The following LINGO2 variants were observed in gnomAD, a reference collection of about 807,000 sequenced individuals.
LINGO2 encodes leucine rich repeat and Ig domain containing 2, also known as leucine-rich repeat and immunoglobulin-like domain-containing nogo receptor-interacting protein 2.
A neutral mutation model predicts 30.6 loss-of-function variants in LINGO2; 14 were observed. The observed-to-expected ratio is 0.46, with a 90% CI of 0.30 to 0.72. LINGO2 has a LOEUF of 0.72. Ranked by LOEUF, LINGO2 falls within the 30% of genes least tolerant of loss-of-function variation. LINGO2 has a pLI of 0.07. For missense variants in LINGO2, 729 were observed against 751.7 expected (o/e 0.97, Z 0.35); for synonymous variants, 317 against 288.5 (o/e 1.10, Z -1.00).
chr9:29,173,645 T>C, the LINGO2 span, among the ~76,000 whole-genome samples: 8 of 152,142 alleles, frequency 5.3e-5, no homozygotes, highest in Non-Finnish European at 8.8e-5. Context: ...AGATTAATTC[T>C]ACTAAACTAC....
At chr9:29,178,004 T>A in the LINGO2 span, among the ~76,000 whole-genome samples, 141 of 151,510 alleles carry the variant, frequency 9.3e-4, no homozygotes, top group African/African-American at 3.4e-3. Context: ...ATTCTATCCC[T>A]TCCATTTTTT....
chr9:28,539,948 T>C (rs940308384), intron 1 of LINGO2, among the ~76,000 whole-genome samples: 2 of 152,116 alleles, frequency 1.3e-5, no homozygotes, highest in South Asian at 2.1e-4. Context: ...TAGCTGAATA[T>C]ACTTCAACAG....
chr9:29,174,148 G>A, the LINGO2 span, among the ~76,000 whole-genome samples: 3 of 151,888 alleles, frequency 2.0e-5, no homozygotes, highest in Admixed American at 6.6e-5. Flanking sequence ...AAAGATACTC[G>A]CTTTCCTGGT....
intron 5 of LINGO2, among the ~76,000 whole-genome samples, chr9:27,977,115 T>C (rs953338227): frequency 2.0e-5 from 3 of 151,530 alleles, no homozygotes; most frequent in African/African-American, 7.3e-5. Context: ...CGTAATATTA[T>C]GGAAATAGAC....
chr9:28,254,300 G>C (rs1003584167), intron 4 of LINGO2, among the ~76,000 whole-genome samples: 1 of 152,066 alleles, frequency 6.6e-6, no homozygotes, highest in Non-Finnish European at 1.5e-5. Context: ...TATATTTAAT[G>C]CTATTTCCAC....
chr9:28,055,850 T>A (rs578247652), intron 4 of LINGO2, among the ~76,000 whole-genome samples: 1 of 152,276 alleles, frequency 6.6e-6, no homozygotes, highest in South Asian at 2.1e-4. Context: ...TGTTCACAAC[T>A]TACTTTGGTT....
the LINGO2 span, among the ~76,000 whole-genome samples, chr9:29,185,002 T>A: frequency 2.6e-5 from 4 of 152,208 alleles, no homozygotes; most frequent in Admixed American, 2.6e-4. Flanking sequence ...TTGTTGTTGT[T>A]GTTTTCATAA....
chr9:28,916,612 C>T, the LINGO2 span, among the ~76,000 whole-genome samples: 2 of 152,174 alleles, frequency 1.3e-5, no homozygotes, highest in Admixed American at 1.3e-4. Context: ...TTCCAGTTGT[C>T]TTGCCTTTTA....
At chr9:28,470,749 A>G (rs1015721159) in intron 2 of LINGO2, among the ~76,000 whole-genome samples, 4 of 152,068 alleles carry the variant, frequency 2.6e-5, no homozygotes, top group African/African-American at 9.7e-5. Context: ...ATTATAATGT[A>G]TTAATTAGCT....
intron 4 of LINGO2, among the ~76,000 whole-genome samples, chr9:28,143,007 A>G (rs976630657): frequency 2.6e-5 from 4 of 152,150 alleles, no homozygotes; most frequent in African/African-American, 9.7e-5. Context: ...AATCTGATCA[A>G]TTGCAGATGC....
At chr9:27,993,427 T>A (rs1048140713) in intron 5 of LINGO2, among the ~76,000 whole-genome samples, 3 of 144,698 alleles carry the variant, frequency 2.1e-5, no homozygotes, top group Non-Finnish European at 3.0e-5. Flanking sequence ...AATCCCAACA[T>A]ATTGGGAGGC....
At chr9:28,058,025 AT>A (rs1825014049) in intron 4 of LINGO2, among the ~76,000 whole-genome samples, 1 of 152,144 alleles carries the variant, frequency 6.6e-6, no homozygotes, top group African/African-American at 2.4e-5. Flanking sequence ...CCATGATTTG[AT>A]AATTTTTATA....
chr9:28,806,548 T>C, the LINGO2 span, among the ~76,000 whole-genome samples: 1 of 152,154 alleles, frequency 6.6e-6, no homozygotes, highest in Non-Finnish European at 1.5e-5. Context: ...GCTCCTATAA[T>C]AGAATGAATG....
Position 28,148,219 on chromosome 9 carries a change from G to A in LINGO2, c.-86-135814C>T. ...GTTGGGACGGCGCCCCTATGAGGCT[G>A]TGTCTTATCCCTCGGAACATGGGCA... On this transcript the variant is annotated intron_variant, in intron 4 of 5. Coordinates refer to ENST00000379992, the Ensembl canonical transcript of LINGO2. The surrounding 1 kb of genome is among the most constrained non-coding windows in gnomAD (Gnocchi z 5.1). The A allele has an allele frequency of 2.8e-6, 2 of 725,014 alleles. No individual in the cohort carries two copies. Among genetic ancestry groups the A allele is most frequent in the Non-Finnish European group, 2.2e-6 (1 of 461,150 alleles). The allele number at this position is 725,014 out of a possible 1,614,324, so 44.9% of individuals were successfully genotyped here.
chr9:28,983,318 CAAA>C, the LINGO2 span, among the ~76,000 whole-genome samples: 23 of 130,948 alleles, frequency 1.8e-4, no homozygotes, highest in Non-Finnish European at 2.0e-4. Context: ...ATGAGGTATC[CAAA>C]AAAAAAAAAA....
intron 1 of LINGO2, among the ~76,000 whole-genome samples, chr9:28,611,609 A>G (rs997510185): frequency 1.3e-5 from 2 of 152,062 alleles, no homozygotes; most frequent in African/African-American, 4.8e-5. Flanking sequence ...CATCTTTTTT[A>G]GATTTCATAT....
intron 1 of LINGO2, among the ~76,000 whole-genome samples, chr9:28,528,196 G>A (rs1821102185): frequency 6.6e-6 from 1 of 152,122 alleles, no homozygotes; most frequent in South Asian, 2.1e-4. Context: ...GACAAGTTCT[G>A]TTCAACTTCT....
chr9:29,053,243 GA>G, the LINGO2 span, among the ~76,000 whole-genome samples: 1 of 152,154 alleles, frequency 6.6e-6, no homozygotes, highest in African/African-American at 2.4e-5. Flanking sequence ...CCTTCAGCCT[GA>G]GAAGTGCTAG....
chr9:28,760,945 T>TACACACACACAC, the LINGO2 span, among the ~76,000 whole-genome samples: 4 of 136,168 alleles, frequency 2.9e-5, no homozygotes, highest in Non-Finnish European at 4.7e-5. Flanking sequence ...TATATATATA[T>TACACACACACAC]ACACACACAC....
Sources: gnomAD v4.1 joint callset for allele counts (sites outside exome capture counted in the v4.1 genomes callset) on GRCh38, gnomAD v4.1.1 for gene constraint, Gnocchi (gnomAD v3.1) non-coding constraint, MANE v1.5 for transcripts, NCBI Gene and HGNC (gene_info 2026-07-23, HGNC 2026-07-21) for gene names.